MBD1: variants seen among roughly 807,000 people sequenced by gnomAD.
MBD1 encodes methyl-CpG-binding domain protein 1.
MBD1 carries 25 observed loss-of-function variants against 82.6 expected under a neutral mutation model. The observed-to-expected ratio is 0.30, with a 90% CI of 0.22 to 0.42. MBD1 has a LOEUF of 0.42. MBD1 is among the 10% of genes least tolerant of loss of function. The probability of loss-of-function intolerance (pLI) is 1.00; values close to 1 mark genes in which losing one functional copy is unlikely to be tolerated. For synonymous variants in MBD1, 301 were observed against 303.7 expected, an observed-to-expected ratio of 0.99 and a Z score of 0.09; for missense variants, 627 against 819.6, an observed-to-expected ratio of 0.76 and a Z score of 2.87.
chr18:50,269,366 G>A lies in MBD1; in HGVS notation c.*485C>T. 7.6e-7 allele frequency: 1 copy of A among 1,316,268 alleles called. No individual in the cohort carries two copies. The highest frequency in any genetic ancestry group is 9.9e-7 in the Non-Finnish European group (1 of 1,009,856). 81.5% of individuals were successfully genotyped at this position (1,316,268 alleles called of 1,614,324 possible). A position where few individuals can be genotyped will look rare whatever the true frequency, so the allele number is the denominator to read the frequency against. On this transcript the variant is annotated 3_prime_UTR_variant, in exon 17 of 17. Transcript: ENST00000269468. ...CACCTTGGTGAGGCTATGTTTCCCG[G>A]AACTCTCTTCCAGTAAGATGGGCCA...
intron 16 of MBD1, chr18:50,271,247 C>T: frequency 7.1e-7 from 1 of 1,400,788 alleles, no homozygotes; most frequent in Non-Finnish European, 9.3e-7. Context: ...TTCTTATACT[C>T]AGGCTCTTGG....
chr18:50,273,286 C>G (rs1334181206), intron 13 of MBD1, 48 bp downstream of exon 13: 1 of 1,610,510 alleles, frequency 6.2e-7, no homozygotes, highest in Admixed American at 1.7e-5. Flanking sequence ...ACTCTGCTTA[C>G]AGACCACTCC....
At chr18:50,272,185 A>C (rs2035863246) in intron 15 of MBD1, among the ~76,000 whole-genome samples, 1 of 152,122 alleles carries the variant, frequency 6.6e-6, no homozygotes, top group African/African-American at 2.4e-5. Context: ...CCAGCTCACA[A>C]AGCCAGCTCG....
At chr18:50,273,955 A>G in intron 11 of MBD1, 92 bp from the exon 12 acceptor site, 1 of 1,518,864 alleles carries the variant, frequency 6.6e-7, no homozygotes, top group Non-Finnish European at 9.0e-7. Flanking sequence ...ATCTCCCATC[A>G]GTCCCAGCAC....
At chr18:50,270,202 T>C (rs1180445504) in intron 16 of MBD1, 4 of 1,557,692 alleles carry the variant, frequency 2.6e-6, no homozygotes, top group East Asian at 4.5e-5. Context: ...GAGACAGAAC[T>C]GGGAAATGGC....
downstream of MBD1, among the ~76,000 whole-genome samples, chr18:50,267,952 C>A (rs2034111708): frequency 6.6e-6 from 1 of 152,236 alleles, no homozygotes; most frequent in African/African-American, 2.4e-5. Context: ...TTTTTCTTCT[C>A]TTTTAATAAT....
chr18:50,275,435 G>C, intron 8 of MBD1, 165 bp downstream of exon 8: 2 of 1,601,374 alleles, frequency 1.2e-6, no homozygotes, highest in South Asian at 1.1e-5. Flanking sequence ...CGCAGGCGGT[G>C]AGCAAGGTGC....
Position 50,275,186 on chromosome 18 carries a change from G to C in MBD1, c.852C>G (p.Pro284=), listed in dbSNP as rs747032296. 1.2e-5 allele frequency: 20 copies of C among 1,613,962 alleles called. No individual in the cohort carries two copies. In the African/African-American group the frequency reaches 2.5e-4, roughly 20 times the overall value. The change falls in exon 9 of 17, where the codon CCC becomes CCG. Residue 284 remains proline, a synonymous_variant. Coordinates refer to ENST00000269468, the MANE Select transcript of MBD1 (RefSeq NM_015846.4). ...CDSKMAARRR[P]GAQPLPPPPP... ...GTGGTGGAGGCAGTGGCTGGGCTCC[G>C]GGGCGCCGCCTGGCAGCCATCTTGG...
intron 13 of MBD1, 51 bp downstream of exon 13, chr18:50,273,283 T>C (rs2036391733): frequency 6.2e-7 from 1 of 1,609,740 alleles, no homozygotes; most frequent in East Asian, 2.2e-5. Context: ...ATCACTCTGC[T>C]TACAGACCAC....
At chr18:50,276,352 G>A (rs2147959747) in intron 6 of MBD1, 26 bp downstream of exon 6, 1 of 1,610,480 alleles carries the variant, frequency 6.2e-7, no homozygotes, top group South Asian at 1.1e-5. Context: ...CTGCAGAGTT[G>A]TGAAGAGGAA....
rs2034371101 is a variant in MBD1, at chr18:50,268,882, A to G, written c.*969T>C. The G allele has an allele frequency of 1.1e-5, 11 of 980,206 alleles. No individual in the cohort carries two copies. Among genetic ancestry groups the G allele is most frequent in the Non-Finnish European group, 1.3e-5 (11 of 825,104 alleles). The allele number at this position is 980,206 out of a possible 1,614,324, so 60.7% of individuals were successfully genotyped here. ...ATAAAAATTTAAAAATAATTTTAAA[A>G]TAGAACAGCTTAGAGATAGAAACTA... is the stretch of plus-strand genomic sequence containing the variant. On this transcript the variant is annotated 3_prime_UTR_variant, in exon 17 of 17. Transcript: ENST00000269468.
In MBD1 at chr18:50,276,938, G is replaced by T. The variant is rs143587192; in HGVS notation, c.286C>A (p.Arg96=). 11 of 1,614,210 alleles carry T rather than the reference G, an allele frequency of 6.8e-6. No homozygotes were observed. The highest frequency in any genetic ancestry group is 1.1e-5 in the South Asian group (1 of 91,088). ...CTCTGGGGTCCAACCTGACGTTTCCGAGTCTTGGCTGGCCTTGAAGGCTTC... is the reference window on the plus strand; with the variant it reads ...CTCTGGGGTCCAACCTGACGTTTCCTAGTCTTGGCTGGCCTTGAAGGCTTC... ...RKKPSRPAKT[R]KRQVGPQSGE... Residue 96 remains arginine (R), a synonymous_variant, in exon 4 of 17, where the codon CGG becomes AGG. Transcript: ENST00000269468.
In MBD1 at chr18:50,276,074, G is replaced by T. The variant is rs1180891200; in HGVS notation, c.517-93C>A. The T allele has an allele frequency of 6.0e-6, 9 of 1,501,902 alleles. No homozygotes were observed. In the East Asian group the frequency reaches 2.2e-4, roughly 36 times the overall value. The allele number at this position is 1,501,902 out of a possible 1,614,324, so 93.0% of individuals were successfully genotyped here. A position where few individuals can be genotyped will look rare whatever the true frequency, so the allele number is the denominator to read the frequency against. On this transcript the variant is annotated intron_variant, in intron 6 of 16. Transcript: ENST00000269468. ...ACCCTACATCAGCTGGCATCACCAT[G>T]AATTTTAGTCCCCCATTAGCCTCAT...
At chr18:50,276,266 TATAAA>T in intron 6 of MBD1, 107 bp downstream of exon 6, 2 of 1,149,472 alleles carry the variant, frequency 1.7e-6, no homozygotes, top group Non-Finnish European at 2.6e-6. Context: ...GAGAGCACCC[TATAAA>T]ATGACTCTTC....
chr18:50,280,949 G>T (rs927622530), intron 1 of MBD1, among the ~76,000 whole-genome samples: 1 of 151,966 alleles, frequency 6.6e-6, no homozygotes, highest in Non-Finnish European at 1.5e-5. Flanking sequence ...ATCCCCTACT[G>T]CTCCTCGTCC....
At chr18:50,279,447 G>A (rs1363053397) in intron 2 of MBD1, among the ~76,000 whole-genome samples, 1 of 152,168 alleles carries the variant, frequency 6.6e-6, no homozygotes, top group African/African-American at 2.4e-5. Context: ...TCTCCATAAA[G>A]CACGACATAG....
At chr18:50,270,577 G>C (rs974228034) in intron 16 of MBD1, 3 of 336,046 alleles carry the variant, frequency 8.9e-6, no homozygotes, top group African/African-American at 6.4e-5. Context: ...TGAAGAGGGG[G>C]AGTCAGGGTA....
intron 7 of MBD1, 50 bp downstream of exon 7, chr18:50,275,785 G>A (rs2037620057): frequency 6.2e-7 from 1 of 1,614,086 alleles, no homozygotes; most frequent in Non-Finnish European, 8.5e-7. Context: ...AAGCCCATGG[G>A]GGCCAGGGGC....
chr18:50,277,951 C>T (rs1433835747), intron 2 of MBD1, among the ~76,000 whole-genome samples: 1 of 152,172 alleles, frequency 6.6e-6, no homozygotes, highest in Non-Finnish European at 1.5e-5. Context: ...CAGAAACTGG[C>T]ACAAAAATAG....
Sources: allele counts gnomAD v4.1 joint callset (sites outside exome capture counted in the v4.1 genomes callset), GRCh38; gene constraint gnomAD v4.1.1; transcripts MANE v1.5; gene names NCBI Gene and HGNC (gene_info 2026-07-23, HGNC 2026-07-21).